NEO1: variants seen among roughly 807,000 people sequenced by gnomAD.
NEO1 encodes neogenin 1.
A neutral mutation model predicts 159.7 loss-of-function variants in NEO1; 63 were observed. The ratio of observed to expected loss-of-function variants is 0.39; its 90% CI spans 0.32 to 0.49. The LOEUF (loss-of-function observed/expected upper bound fraction) is 0.49. NEO1 is among the 20% of genes least tolerant of loss of function. NEO1 has a pLI of 0.85. For missense variants in NEO1, 1,615 were observed against 1,831.0 expected (o/e 0.88, Z 2.15); for synonymous variants, 633 against 662.0 (o/e 0.96, Z 0.67).
At chr15:73,128,960 C>T (rs897007800) in intron 4 of NEO1, among the ~76,000 whole-genome samples, 3 of 152,190 alleles carry the variant, frequency 2.0e-5, no homozygotes, top group African/African-American at 7.2e-5. Context: ...ATTGAGTTAA[C>T]TTATTTCTGC....
chr15:73,061,711 G>T lies in NEO1; in HGVS notation c.130+8906G>T, dbSNP rs13380184. On this transcript the variant is annotated intron_variant, in intron 1 of 28. Coordinates refer to ENST00000261908, the MANE Select transcript of NEO1 (RefSeq NM_002499.4). ...TCATACACTCCAACCCTTCTTCCCA[G>T]AGTAATCACTTTTAATAGCTATGGT... Among the ~76,000 whole-genome samples, 257 of 152,262 alleles carry T rather than the reference G, an allele frequency of 1.7e-3. 1 individual carries two copies. Among genetic ancestry groups the T allele is most frequent in the African/African-American group, 6.0e-3 (250 of 41,542 alleles).
intron 2 of NEO1, among the ~76,000 whole-genome samples, 165 bp from the exon 3 acceptor site, chr15:73,122,360 T>C (rs2071718239): frequency 1.3e-5 from 2 of 152,014 alleles, no homozygotes; most frequent in African/African-American, 2.4e-5. Flanking sequence ...CATTTACTTA[T>C]TTGCCCAGTA....
intron 22 of NEO1, 110 bp downstream of exon 22, chr15:73,278,309 C>T: frequency 1.1e-6 from 1 of 882,476 alleles, no homozygotes; most frequent in Non-Finnish European, 1.8e-6. Context: ...AGCATATTAG[C>T]CTGTTTTCTT....
At chr15:73,101,879 A>G (rs2070421318) in intron 1 of NEO1, among the ~76,000 whole-genome samples, 1 of 152,188 alleles carries the variant, frequency 6.6e-6, no homozygotes, top group African/African-American at 2.4e-5. Context: ...TGCAAAGAAT[A>G]TAGAAGAAAA....
chr15:73,273,649 TG>T (rs1481189324), intron 19 of NEO1, among the ~76,000 whole-genome samples, 161 bp from the exon 20 acceptor site: 1 of 152,228 alleles, frequency 6.6e-6, no homozygotes, highest in Non-Finnish European at 1.5e-5. Flanking sequence ...AGGCAATTCC[TG>T]GTTTTCAAAA....
At chr15:73,148,021 C>T (rs2033066291) in intron 5 of NEO1, among the ~76,000 whole-genome samples, 1 of 152,044 alleles carries the variant, frequency 6.6e-6, no homozygotes, top group South Asian at 2.1e-4. Context: ...CCATGTTGGC[C>T]AGGCTGTTCT....
In NEO1 at chr15:73,293,979, G is replaced by A. The variant is rs532502485; in HGVS notation, c.3901+431G>A. 7.9e-5 allele frequency among the ~76,000 whole-genome samples: 12 copies of A among 152,288 alleles called. No individual in the cohort carries two copies. The South Asian group carries it at 1.0e-3, about 13-fold the overall frequency. On this transcript the variant is annotated intron_variant, in intron 26 of 28. Coordinates refer to ENST00000261908, the MANE Select transcript of NEO1 (RefSeq NM_002499.4). ...CTGTTACATACAGGTTACTTCCACCGTGGACCAAAGTGCAAACAACATCCA... is the reference window on the plus strand; with the variant it reads ...CTGTTACATACAGGTTACTTCCACCATGGACCAAAGTGCAAACAACATCCA...
Position 73,055,805 on chromosome 15 carries a change from T to C in NEO1, c.130+3000T>C, listed in dbSNP as rs188784947. 5.6e-4 allele frequency among the ~76,000 whole-genome samples: 86 copies of C among 152,312 alleles called. No individual in the cohort carries two copies. In the East Asian group the frequency reaches 0.011, roughly 20 times the overall value. On this transcript the variant is annotated intron_variant, in intron 1 of 28. Transcript: ENST00000261908. ...ATTTGTCTTCTTGTGTTGCCTGTCT[T>C]GGTCATCACTGTTCATCCACTTGCC...
intron 18 of NEO1, 108 bp from the exon 19 acceptor site, chr15:73,272,347 C>G (rs2041211153): frequency 4.3e-6 from 3 of 693,038 alleles, no homozygotes; most frequent in East Asian, 5.5e-5. Context: ...GAAGCTTTAT[C>G]TTTTTTGCCT....
chr15:73,288,224 T>G (rs2042023938), intron 23 of NEO1, 89 bp from the exon 24 acceptor site: 18 of 1,269,324 alleles, frequency 1.4e-5, no homozygotes, highest in Non-Finnish European at 2.0e-5. Flanking sequence ...GAAACATCTC[T>G]CAGAAAGGAA....
At chr15:73,298,938 G>A (rs1382076183) in intron 27 of NEO1, among the ~76,000 whole-genome samples, 1 of 152,162 alleles carries the variant, frequency 6.6e-6, no homozygotes, top group Admixed American at 6.5e-5. Flanking sequence ...CAGACCCCTG[G>A]AATCACCTCA....
chr15:73,153,867 C>A (rs1182890727), intron 5 of NEO1, among the ~76,000 whole-genome samples: 1 of 152,070 alleles, frequency 6.6e-6, no homozygotes, highest in Non-Finnish European at 1.5e-5. Context: ...CCTCTTTAAA[C>A]CTTATCAAAA....
In NEO1 at chr15:73,238,951, C is replaced by T. The variant is rs914511796; in HGVS notation, c.1451+2445C>T. 8.1e-4 allele frequency among the ~76,000 whole-genome samples: 123 copies of T among 152,160 alleles called. 1 individual carries two copies. Among genetic ancestry groups the T allele is most frequent in the African/African-American group, 2.9e-3 (120 of 41,514 alleles). On this transcript the variant is annotated intron_variant, in intron 8 of 28. Coordinates refer to ENST00000261908, the MANE Select transcript of NEO1 (RefSeq NM_002499.4). Reference sequence around the variant, plus strand: ...GCAGCCTCCGCTTCCCAGGTTCCAGCGATTCTCCTGCCTCAGCCTCCCAAG... The same window carrying T: ...GCAGCCTCCGCTTCCCAGGTTCCAGTGATTCTCCTGCCTCAGCCTCCCAAG...
At chr15:73,248,907 A>G (rs936142819) in intron 9 of NEO1, among the ~76,000 whole-genome samples, 153 bp from the exon 10 acceptor site, 3 of 152,240 alleles carry the variant, frequency 2.0e-5, no homozygotes, top group East Asian at 1.9e-4. Flanking sequence ...AAATGTGTTT[A>G]TATATTATTC....
intron 7 of NEO1, among the ~76,000 whole-genome samples, chr15:73,214,227 G>C (rs1014429029): frequency 1.3e-5 from 2 of 152,132 alleles, no homozygotes; most frequent in East Asian, 3.9e-4. Context: ...TGGGTTGTCT[G>C]TTTACTCTGC....
At chr15:73,269,184 A>T (rs1596538608) in intron 16 of NEO1, among the ~76,000 whole-genome samples, 2 of 152,302 alleles carry the variant, frequency 1.3e-5, no homozygotes, top group East Asian at 3.9e-4. Context: ...CTGACATTCA[A>T]GACTCAGGTT....
intron 4 of NEO1, among the ~76,000 whole-genome samples, chr15:73,128,332 A>C (rs1193505281): frequency 6.6e-6 from 1 of 152,124 alleles, no homozygotes; most frequent in East Asian, 1.9e-4. Flanking sequence ...AATTGGCTAC[A>C]AGTTAGAACA....
At chr15:73,219,106 G>A (rs1305307699) in intron 7 of NEO1, among the ~76,000 whole-genome samples, 1 of 151,154 alleles carries the variant, frequency 6.6e-6, no homozygotes, top group Non-Finnish European at 1.5e-5. Flanking sequence ...GCGTCCCAGA[G>A]ATTCTGGTAT....
At chr15:73,283,866 G>A (rs527463234) in intron 23 of NEO1, among the ~76,000 whole-genome samples, 49 of 152,278 alleles carry the variant, frequency 3.2e-4, no homozygotes, top group Non-Finnish European at 6.5e-4. Context: ...CTAAATCTAA[G>A]TTTAAGAATA....
Sources: allele counts gnomAD v4.1 joint callset (sites outside exome capture counted in the v4.1 genomes callset), GRCh38; gene constraint gnomAD v4.1.1; transcripts MANE v1.5; gene names NCBI Gene and HGNC (gene_info 2026-07-23, HGNC 2026-07-21).